Variants in PRKD3 observed in about 807,000 individuals in gnomAD.
The protein encoded by PRKD3 is serine/threonine-protein kinase D3.
A neutral mutation model predicts 99.2 loss-of-function variants in PRKD3; 47 were observed. The observed-to-expected ratio is 0.47, with a 90% confidence interval of 0.38 to 0.60. The LOEUF (loss-of-function observed/expected upper bound fraction) is 0.60. Ranked by LOEUF, PRKD3 falls within the 20% of genes least tolerant of loss-of-function variation. The pLI is 0.00. For synonymous variants in PRKD3, 392 were observed against 355.4 expected (o/e 1.10, Z -1.16); for missense variants, 1,019 against 1,088.4 (o/e 0.94, Z 0.90).
chr2:37,282,996 C>G (rs1313787731), intron 6 of PRKD3, among the ~76,000 whole-genome samples: 2 of 152,296 alleles, frequency 1.3e-5, no homozygotes, highest in East Asian at 3.9e-4. Flanking sequence ...AGGAAAGAGA[C>G]TGAGATCCAA....
At chr2:37,277,698 A>T (rs777289814) in intron 9 of PRKD3, among the ~76,000 whole-genome samples, 168 bp downstream of exon 9, 5 of 152,236 alleles carry the variant, frequency 3.3e-5, no homozygotes, top group Non-Finnish European at 7.3e-5. Flanking sequence ...TCTGCCTGTT[A>T]AAAATTCCTT....
chr2:37,322,677 A>G (rs942081869), intron 1 of PRKD3, among the ~76,000 whole-genome samples: 7 of 152,256 alleles, frequency 4.6e-5, no homozygotes, highest in Non-Finnish European at 1.0e-4. Flanking sequence ...ACAGAAATGG[A>G]AAAATTTTTT....
intron 17 of PRKD3, among the ~76,000 whole-genome samples, chr2:37,256,446 T>TA (rs1283226074): frequency 6.6e-6 from 1 of 152,130 alleles, no homozygotes; most frequent in Non-Finnish European, 1.5e-5. Flanking sequence ...GGGGCCTATG[T>TA]AAGTGCTATG....
At chr2:37,296,899 CAAA>C (rs748730644) in intron 2 of PRKD3, among the ~76,000 whole-genome samples, 2 of 48,126 alleles carry the variant, frequency 4.2e-5, no homozygotes, top group Non-Finnish European at 8.6e-5. Flanking sequence ...GACTCTGTCT[CAAA>C]AAAAAAAAAA....
Position 37,304,364 on chromosome 2 carries a change from G to A in PRKD3, c.289-11093C>T, listed in dbSNP as rs114825895. Among the ~76,000 whole-genome samples, 766 of 152,238 alleles carry A rather than the reference G, an allele frequency of 5.0e-3. 10 individuals carry two copies. Among genetic ancestry groups the A allele is most frequent in the African/African-American group, 0.017 (701 of 41,538 alleles). ...AAATACAGACATAAGGACGATAGCT[G>A]AGTCAATTAGAAAATGACTCAACAT... On this transcript the variant is annotated intron_variant, in intron 2 of 18. Coordinates refer to ENST00000234179, the MANE Select transcript of PRKD3 (RefSeq NM_005813.6).
intron 2 of PRKD3, among the ~76,000 whole-genome samples, chr2:37,314,219 T>C (rs1027153785): frequency 3.9e-5 from 6 of 152,214 alleles, no homozygotes; most frequent in Non-Finnish European, 8.8e-5. Flanking sequence ...TCAACAAGAG[T>C]AGAAGACACG....
At chr2:37,272,307 A>G in intron 12 of PRKD3, 73 bp downstream of exon 12, 1 of 1,566,170 alleles carries the variant, frequency 6.4e-7, no homozygotes, top group Non-Finnish European at 8.6e-7. Flanking sequence ...CAATTTCTCT[A>G]ATAAAGATTT....
At chr2:37,291,033 T>C (rs753397189) in intron 3 of PRKD3, 34 bp from the exon 4 acceptor site, 1 of 1,560,690 alleles carries the variant, frequency 6.4e-7, no homozygotes, top group Non-Finnish European at 8.7e-7. Flanking sequence ...ATACACGTTG[T>C]ATTTGTACTG....
chr2:37,299,743 T>C (rs564894329), intron 2 of PRKD3, among the ~76,000 whole-genome samples: 5 of 152,058 alleles, frequency 3.3e-5, no homozygotes, highest in African/African-American at 1.2e-4. Flanking sequence ...ATAATACATT[T>C]CTCAAAAGAA....
chr2:37,309,887 A>C (rs1217054206), intron 2 of PRKD3, among the ~76,000 whole-genome samples: 2 of 151,038 alleles, frequency 1.3e-5, no homozygotes, highest in Non-Finnish European at 3.0e-5. Flanking sequence ...TTATGCCCTT[A>C]GGAATATATT....
chr2:37,317,942 T>A (rs1251364162), intron 1 of PRKD3: 2 of 150,566 alleles, frequency 1.3e-5, no homozygotes, highest in Non-Finnish European at 3.0e-5. Context: ...TAAATATGTA[T>A]CATAATTTCT....
At chr2:37,287,179 G>A (rs188025124) in intron 5 of PRKD3, among the ~76,000 whole-genome samples, 58 of 128,592 alleles carry the variant, frequency 4.5e-4, no homozygotes, top group Middle Eastern at 0.012. Flanking sequence ...CCGGTAAGCC[G>A]AGATCATGCC....
intron 2 of PRKD3, among the ~76,000 whole-genome samples, chr2:37,305,723 T>C (rs559876855): frequency 5.9e-5 from 9 of 152,366 alleles, no homozygotes; most frequent in Admixed American, 2.0e-4. Flanking sequence ...AGCAAACCAA[T>C]GTAAGCATGT....
At chr2:37,269,505 A>G in intron 13 of PRKD3, 110 bp downstream of exon 13, 3 of 910,854 alleles carry the variant, frequency 3.3e-6, no homozygotes, top group Non-Finnish European at 5.3e-6. Flanking sequence ...CAGCCTTTAA[A>G]AAAAAGGCAC....
intron 2 of PRKD3, among the ~76,000 whole-genome samples, chr2:37,308,486 G>A (rs571226643): frequency 3.3e-5 from 5 of 151,916 alleles, no homozygotes; most frequent in East Asian, 1.9e-4. Flanking sequence ...GTGAAGTGGC[G>A]CAATCTCAGC....
At chr2:37,323,081 A>G (rs928546861) in intron 1 of PRKD3, among the ~76,000 whole-genome samples, 3 of 149,888 alleles carry the variant, frequency 2.0e-5, no homozygotes, top group Non-Finnish European at 4.4e-5. Context: ...AAAAAATGTA[A>G]TATCAGAAAG....
chr2:37,256,772 A>C lies in PRKD3; in HGVS notation c.2303T>G (p.Val768Gly). The change falls in exon 17 of 19, where the codon GTG becomes GGG. Residue 768 changes from valine to glycine, a missense_variant. By Grantham distance (109) the Val-to-Gly change is moderately radical (BLOSUM62 -3). Transcript: ENST00000234179. ...DMWSVGVIIY[V>G]SLSGTFPFNE... is the part of the protein sequence containing the mutation. ...AAAAGGAAATGTGCCACTGAGGCTC[A>C]CATAGATGATAACTCCCACTGACCA... 6.2e-7 allele frequency: 1 copy of C among 1,613,694 alleles called. No individual in the cohort carries two copies. Among genetic ancestry groups the C allele is most frequent in the South Asian group, 1.1e-5 (1 of 91,062 alleles).
intron 2 of PRKD3, among the ~76,000 whole-genome samples, chr2:37,302,566 C>A (rs1401702959): frequency 6.6e-6 from 1 of 152,050 alleles, no homozygotes; most frequent in Non-Finnish European, 1.5e-5. Flanking sequence ...TAAGGTGAAC[C>A]GTTTCAAGTT....
At chr2:37,288,752 C>T (rs144419285) in intron 5 of PRKD3, among the ~76,000 whole-genome samples, 10 of 152,280 alleles carry the variant, frequency 6.6e-5, no homozygotes, top group African/African-American at 2.4e-4. Context: ...TGTGTCTCAA[C>T]TGTCTCATCT....
Sources: allele counts gnomAD v4.1 joint callset (sites outside exome capture counted in the v4.1 genomes callset), GRCh38; gene constraint gnomAD v4.1.1; transcripts MANE v1.5; gene names NCBI Gene and HGNC (gene_info 2026-07-23, HGNC 2026-07-21).